Variants in IGSF11 observed in about 807,000 individuals in gnomAD.
IGSF11 encodes CXADR like 1.
A neutral mutation model predicts 41.0 loss-of-function variants in IGSF11; 22 were observed. That is an observed-to-expected ratio of 0.54 (90% confidence interval 0.38 to 0.77). The LOEUF (loss-of-function observed/expected upper bound fraction) is 0.77. Ranked by LOEUF, IGSF11 falls within the 30% of genes least tolerant of loss-of-function variation. IGSF11 has a pLI of 0.00. For synonymous variants in IGSF11, 219 were observed against 201.3 expected, an observed-to-expected ratio of 1.09 and a Z score of -0.74; for missense variants, 444 against 530.8, an observed-to-expected ratio of 0.84 and a Z score of 1.61.
chr3:118,985,398 G>A (rs973479453), intron 1 of IGSF11, among the ~76,000 whole-genome samples: 5 of 152,044 alleles, frequency 3.3e-5, no homozygotes, highest in Non-Finnish European at 5.9e-5. Flanking sequence ...CAAAGACAAG[G>A]GGATCATTCT....
chr3:118,971,740 T>G (rs1216505222), intron 1 of IGSF11, among the ~76,000 whole-genome samples: 2 of 150,922 alleles, frequency 1.3e-5, no homozygotes, highest in Non-Finnish European at 2.9e-5. Flanking sequence ...GAGGCAGAGG[T>G]TGAAGTGAGC....
At chr3:119,143,183 T>C (rs1364956047) in intron 1 of IGSF11, among the ~76,000 whole-genome samples, 4 of 152,172 alleles carry the variant, frequency 2.6e-5, no homozygotes, top group Non-Finnish European at 5.9e-5. Flanking sequence ...ATATAGGTGA[T>C]TTAATAGCCA....
chr3:119,115,374 C>A (rs1336347851), intron 1 of IGSF11, among the ~76,000 whole-genome samples: 1 of 152,178 alleles, frequency 6.6e-6, no homozygotes, highest in African/African-American at 2.4e-5. Flanking sequence ...CAACAGGGTA[C>A]AAGGGTTCCC....
chr3:119,059,063 A>C (rs1230148153), intron 1 of IGSF11, among the ~76,000 whole-genome samples: 2 of 152,120 alleles, frequency 1.3e-5, no homozygotes, highest in East Asian at 3.9e-4. Context: ...AACATGGCAC[A>C]TGTATACATA....
At chr3:119,044,827 T>C (rs796323801) in intron 1 of IGSF11, among the ~76,000 whole-genome samples, 55 of 152,256 alleles carry the variant, frequency 3.6e-4, no homozygotes, top group African/African-American at 1.3e-3. Context: ...GAAGGAGAGA[T>C]AAAGTCTTTT....
intron 5 of IGSF11, 102 bp from the exon 6 acceptor site, chr3:118,904,900 T>A (rs1429590931): frequency 1.1e-6 from 1 of 941,412 alleles, no homozygotes; most frequent in African/African-American, 1.7e-5. Context: ...AATAATCTGC[T>A]TAAAACGTAT....
chr3:118,916,766 A>G (rs896905732), intron 4 of IGSF11, among the ~76,000 whole-genome samples: 2 of 152,042 alleles, frequency 1.3e-5, no homozygotes, highest in Non-Finnish European at 2.9e-5. Context: ...CCGAATAGAC[A>G]TCTACAGAAC....
At chr3:118,960,251 C>T (rs1945255281) in intron 1 of IGSF11, among the ~76,000 whole-genome samples, 1 of 151,856 alleles carries the variant, frequency 6.6e-6, no homozygotes. Context: ...ATCAAATATG[C>T]CAAGATTTAC....
chr3:119,132,292 A>C (rs900342252), intron 1 of IGSF11, among the ~76,000 whole-genome samples: 2 of 143,186 alleles, frequency 1.4e-5, no homozygotes, highest in Non-Finnish European at 3.0e-5. Flanking sequence ...TCAGTGTGCT[A>C]TATTCAGGAG....
At chr3:119,114,511 G>C (rs1317234725) in intron 1 of IGSF11, among the ~76,000 whole-genome samples, 1 of 152,190 alleles carries the variant, frequency 6.6e-6, no homozygotes, top group Non-Finnish European at 1.5e-5. Flanking sequence ...CAACCTCTTT[G>C]ATAACACATA....
At chr3:118,921,324 C>T (rs1173193437) in intron 4 of IGSF11, among the ~76,000 whole-genome samples, 1 of 151,668 alleles carries the variant, frequency 6.6e-6, no homozygotes, top group Non-Finnish European at 1.5e-5. Context: ...CAAACATTGG[C>T]GGGAGGGAGG....
chr3:119,000,063 C>CTTTTTT (rs1297321950), intron 1 of IGSF11, among the ~76,000 whole-genome samples: 68 of 98,660 alleles, frequency 6.9e-4, no homozygotes, highest in African/African-American at 8.8e-4. Context: ...ATTCATTATT[C>CTTTTTT]TTTTTTTTTT....
chr3:119,082,519 C>T (rs183560853), intron 1 of IGSF11, among the ~76,000 whole-genome samples: 1 of 152,254 alleles, frequency 6.6e-6, no homozygotes, highest in Admixed American at 6.5e-5. Flanking sequence ...AAATCCTATC[C>T]TCAATAACAT....
intron 1 of IGSF11, among the ~76,000 whole-genome samples, chr3:118,967,934 C>T (rs41414745): frequency 0.024 from 3,679 of 152,094 alleles, 78 homozygotes; most frequent in East Asian, 0.066. Context: ...TTGCCAATAA[C>T]TTTAATGTGA....
rs1053494448 is a variant in IGSF11, at chr3:118,976,827, A to T, written c.53-46552T>A. Among the ~76,000 whole-genome samples the T allele has an allele frequency of 3.3e-5, 5 of 152,290 alleles. 1 individual carries two copies. Among genetic ancestry groups the T allele is most frequent in the East Asian group, 1.9e-4 (1 of 5,186 alleles). ...AAGATAACAGGAGAGTCCTTCCTTC[A>T]TTTGCCAACCCCCATAATGTAACAT... On this transcript the variant is annotated intron_variant, in intron 1 of 6. Transcript: ENST00000393775.
chr3:118,954,713 A>G (rs1944825546), intron 1 of IGSF11, among the ~76,000 whole-genome samples: 1 of 152,118 alleles, frequency 6.6e-6, no homozygotes, highest in African/African-American at 2.4e-5. Context: ...CTGGAGTAGC[A>G]TTTTTAATTT....
intron 1 of IGSF11, among the ~76,000 whole-genome samples, chr3:118,994,649 G>C (rs1318353102): frequency 1.3e-5 from 2 of 152,164 alleles, no homozygotes; most frequent in African/African-American, 2.4e-5. Context: ...TGTCAAGAGA[G>C]AAGAGATGAG....
chr3:118,955,778 T>C (rs1051156484), intron 1 of IGSF11, among the ~76,000 whole-genome samples: 1 of 152,068 alleles, frequency 6.6e-6, no homozygotes, highest in Admixed American at 6.6e-5. Flanking sequence ...ATTTTCAGGA[T>C]GGTAAATGGG....
intron 1 of IGSF11, among the ~76,000 whole-genome samples, chr3:119,119,506 G>A (rs1361050910): frequency 6.6e-6 from 1 of 152,122 alleles, no homozygotes; most frequent in East Asian, 1.9e-4. Flanking sequence ...ATGAGATTTG[G>A]GTGGGGACAC....
Sources: gnomAD v4.1 joint callset for allele counts (sites outside exome capture counted in the v4.1 genomes callset) on GRCh38, gnomAD v4.1.1 for gene constraint, MANE v1.5 for transcripts, NCBI Gene and HGNC (gene_info 2026-07-23, HGNC 2026-07-21) for gene names.